Variants in NMS observed in about 807,000 individuals in gnomAD.
The protein encoded by NMS is neuromedin-S.
A neutral mutation model predicts 32.2 loss-of-function variants in NMS; 30 were observed. The observed-to-expected ratio is 0.93, with a 90% CI of 0.70 to 1.26. The LOEUF is 1.26. NMS is among the 50% of genes most tolerant of loss of function. The pLI, the probability that NMS is intolerant of heterozygous loss-of-function variation, is 0.00. For synonymous variants in NMS, 76 were observed against 58.5 expected (o/e 1.30, Z -1.37); for missense variants, 190 against 186.3 (o/e 1.02, Z -0.12).
chr2:100,482,816 G>A (rs1457081251), intron 9 of NMS, among the ~76,000 whole-genome samples: 2 of 152,146 alleles, frequency 1.3e-5, no homozygotes, highest in Non-Finnish European at 2.9e-5. Context: ...CGATTCCTTG[G>A]CCTTCAGGCC....
At position 100,470,509 on chromosome 2, in the gene NMS, G is replaced by C; in HGVS notation, c.21G>C (p.Gln7His). 1 of 1,613,884 alleles carries C rather than the reference G, an allele frequency of 6.2e-7. No individual in the cohort carries two copies. The highest frequency in any genetic ancestry group is 8.5e-7 in the Non-Finnish European group (1 of 1,179,856). Reference sequence around the variant, plus strand: ...TCACAATGAAACATCTTCGTCCCCAGTTCCCTCTCATCTTGGCCATCTACT... The same window carrying C: ...TCACAATGAAACATCTTCGTCCCCACTTCCCTCTCATCTTGGCCATCTACT... MKHLRP[Q>H]FPLILAIYCF... Residue 7 changes from glutamine to histidine, a missense_variant, in exon 1 of 10, where the codon CAG (glutamine) becomes CAC (histidine). Coordinates refer to ENST00000376865, the MANE Select transcript of NMS (RefSeq NM_001011717.1).
chr2:100,473,424 A>G, intron 2 of NMS, 65 bp from the exon 3 acceptor site: 3 of 861,382 alleles, frequency 3.5e-6, no homozygotes, highest in South Asian at 2.2e-5. Flanking sequence ...TTGATTACCC[A>G]TTAATCAATC....
At chr2:100,475,300 C>T (rs1677088276) in intron 3 of NMS, among the ~76,000 whole-genome samples, 1 of 152,096 alleles carries the variant, frequency 6.6e-6, no homozygotes, top group Non-Finnish European at 1.5e-5. Context: ...CCTCAACTGC[C>T]CAAAGTCTGG....
Position 100,473,480 on chromosome 2 carries a change from AT to A in NMS, c.133-3del. On this transcript the variant is annotated splice_region_variant and splice_polypyrimidine_tract_variant and intron_variant, in intron 2 of 9. Transcript: ENST00000376865. ...CCCTTTGATTTGTTTTCTTCATTTT[AT>A]TTTTTAGCAGCTGGCATATTGTCTG... 2.7e-6 allele frequency: 4 copies of A among 1,480,996 alleles called. No individual in the cohort carries two copies. Among genetic ancestry groups the A allele is most frequent in the Admixed American group, 2.0e-5 (1 of 50,648 alleles). The allele number at this position is 1,480,996 out of a possible 1,614,324, so 91.7% of individuals were successfully genotyped here. A position where few individuals can be genotyped will look rare whatever the true frequency, so the allele number is the denominator to read the frequency against.
chr2:100,480,352 A>G lies in NMS; in HGVS notation c.337-144A>G, dbSNP rs1028412933. The G allele has an allele frequency of 1.6e-5, 12 of 767,636 alleles. No homozygotes were observed. In the East Asian group the frequency reaches 2.9e-4, roughly 18 times the overall value. The allele number at this position is 767,636 out of a possible 1,614,324, so 47.6% of individuals were successfully genotyped here. ...AGAAGATCACGGCAGTGATCCCACC[A>G]TTTGCCATGCTCTCCACCTCCTCTT... On this transcript the variant is annotated intron_variant, in intron 6 of 9. Coordinates refer to ENST00000376865, the MANE Select transcript of NMS (RefSeq NM_001011717.1).
chr2:100,476,683 A>G (rs75121108), intron 3 of NMS, among the ~76,000 whole-genome samples: 5,732 of 141,320 alleles, frequency 0.041, 350 homozygotes, highest in African/African-American at 0.15. Flanking sequence ...TTTTGTAAGA[A>G]GTCTTCTTCC....
intron 6 of NMS, 83 bp downstream of exon 6, chr2:100,479,510 C>A: frequency 8.3e-7 from 1 of 1,205,368 alleles, no homozygotes; most frequent in Non-Finnish European, 1.2e-6. Context: ...CACCTTGGGG[C>A]TTGCTGTCAT....
intron 1 of NMS, among the ~76,000 whole-genome samples, chr2:100,470,825 G>A (rs1241895453): frequency 6.6e-6 from 1 of 152,194 alleles, no homozygotes; most frequent in Non-Finnish European, 1.5e-5. Context: ...AACATGTGTC[G>A]CTAAAACTGA....
At chr2:100,478,000 C>T (rs1160394690) in intron 5 of NMS, among the ~76,000 whole-genome samples, 1 of 152,188 alleles carries the variant, frequency 6.6e-6, no homozygotes, top group East Asian at 1.9e-4. Flanking sequence ...CTTGCTCTGT[C>T]GCCCAGGCTG....
chr2:100,472,569 A>G (rs1373902321), intron 1 of NMS, among the ~76,000 whole-genome samples: 1 of 152,206 alleles, frequency 6.6e-6, no homozygotes, highest in African/African-American at 2.4e-5. Flanking sequence ...TTTTAAATTA[A>G]TCTTTGTATA....
At chr2:100,475,273 T>G (rs976204773) in intron 3 of NMS, among the ~76,000 whole-genome samples, 2 of 152,220 alleles carry the variant, frequency 1.3e-5, no homozygotes, top group African/African-American at 4.8e-5. Flanking sequence ...TCACTTCGTC[T>G]CTTGGGGCTT....
rs1297139052 is a variant in NMS, at chr2:100,472,847, T to G, written c.129T>G (p.Leu43=). The change falls in exon 2 of 10, where the codon CTT becomes CTG. Residue 43 remains leucine, a synonymous_variant. Transcript: ENST00000376865. ...DPSDGLDIVQ[L]EQLAYCLSQW... Reference sequence around the variant, plus strand: ...CAGATGGCTTGGATATTGTGCAGCTTGAGGTACCCAATTATTCAGTAATGT... The same window carrying G: ...CAGATGGCTTGGATATTGTGCAGCTGGAGGTACCCAATTATTCAGTAATGT... 1.9e-6 allele frequency: 3 copies of G among 1,603,824 alleles called. No homozygotes were observed. In the African/African-American group the frequency reaches 4.0e-5, roughly 21 times the overall value.
chr2:100,473,619 A>T, intron 3 of NMS, 80 bp downstream of exon 3: 5 of 431,248 alleles, frequency 1.2e-5, no homozygotes, highest in African/African-American at 2.1e-5. Flanking sequence ...CCTACAGGAG[A>T]ATGCTGTATG....
intron 3 of NMS, 46 bp from the exon 4 acceptor site, chr2:100,477,198 C>G (rs778237221): frequency 6.5e-7 from 1 of 1,548,836 alleles, no homozygotes. Flanking sequence ...CCGTTACCTG[C>G]CCCTGTAAAA....
chr2:100,476,174 G>C (rs775120026), intron 3 of NMS, among the ~76,000 whole-genome samples: 3 of 152,082 alleles, frequency 2.0e-5, no homozygotes, highest in Non-Finnish European at 2.9e-5. Flanking sequence ...ACAATTGTTT[G>C]CCCAATAAGT....
At chr2:100,475,796 T>C (rs1208212610) in intron 3 of NMS, among the ~76,000 whole-genome samples, 1 of 152,022 alleles carries the variant, frequency 6.6e-6, no homozygotes, top group Non-Finnish European at 1.5e-5. Flanking sequence ...GGTCAGGAGT[T>C]CGAGACCAGC....
chr2:100,471,233 G>A (rs1463292484), intron 1 of NMS, among the ~76,000 whole-genome samples: 1 of 152,150 alleles, frequency 6.6e-6, no homozygotes, highest in African/African-American at 2.4e-5. Context: ...AGTGGGCGGT[G>A]GCAGAACAAC....
intron 8 of NMS, among the ~76,000 whole-genome samples, chr2:100,481,665 T>A (rs1180607498): frequency 6.6e-6 from 1 of 152,186 alleles, no homozygotes; most frequent in Non-Finnish European, 1.5e-5. Context: ...TCAGACTAGA[T>A]CCATGCCCCC....
intron 9 of NMS, among the ~76,000 whole-genome samples, 182 bp from the exon 10 acceptor site, chr2:100,483,070 A>C (rs1393583837): frequency 6.6e-6 from 1 of 152,232 alleles, no homozygotes; most frequent in Non-Finnish European, 1.5e-5. Flanking sequence ...TAATGCCCTA[A>C]TTAGATAGAC....
Sources: gnomAD v4.1 joint callset for allele counts (sites outside exome capture counted in the v4.1 genomes callset) on GRCh38, gnomAD v4.1.1 for gene constraint, MANE v1.5 for transcripts, NCBI Gene and HGNC (gene_info 2026-07-23, HGNC 2026-07-21) for gene names.